Variants in SYN2 observed in about 807,000 individuals in gnomAD.
SYN2 encodes synapsin-2.
SYN2 carries 19 observed loss-of-function variants against 50.9 expected under a neutral mutation model. The observed-to-expected ratio is 0.37, with a 90% CI of 0.26 to 0.55. SYN2 has a LOEUF of 0.55. Among genes scored for constraint, SYN2 ranks in the 20% least tolerant of loss-of-function variants. SYN2 has a pLI of 0.81. For synonymous variants in SYN2, 255 were observed against 224.9 expected, an observed-to-expected ratio of 1.13 and a Z score of -1.20; for missense variants, 587 against 576.4, an observed-to-expected ratio of 1.02 and a Z score of -0.19.
At chr3:12,188,225 G>A (rs759812788) in intron 12 of SYN2, among the ~76,000 whole-genome samples, 1 of 152,176 alleles carries the variant, frequency 6.6e-6, no homozygotes, top group Non-Finnish European at 1.5e-5. Context: ...CATCCTCTTG[G>A]GTTCCCCCAC....
chr3:12,021,539 T>G (rs1288798573), intron 1 of SYN2, among the ~76,000 whole-genome samples: 2 of 152,158 alleles, frequency 1.3e-5, no homozygotes, highest in African/African-American at 4.8e-5. Context: ...ACTTGAGCCC[T>G]GTGACCAGCC....
intron 10 of SYN2, among the ~76,000 whole-genome samples, chr3:12,180,812 T>C (rs1698203998): frequency 6.6e-6 from 1 of 152,180 alleles, no homozygotes; most frequent in Non-Finnish European, 1.5e-5. Flanking sequence ...GTGGGTGTCT[T>C]ACATGTATAT....
chr3:12,013,326 C>T (rs1559385632), intron 1 of SYN2, among the ~76,000 whole-genome samples: 1 of 152,114 alleles, frequency 6.6e-6, no homozygotes, highest in Admixed American at 6.5e-5. Flanking sequence ...CTTGTTCTTT[C>T]CCTTTGTCTA....
intron 5 of SYN2, chr3:12,157,450 C>A: frequency 1.9e-6 from 3 of 1,614,192 alleles, no homozygotes; most frequent in Non-Finnish European, 2.5e-6. Flanking sequence ...CTGGCCGGAA[C>A]TACCTTCTCA....
chr3:12,163,931 G>T (rs1443188175), intron 7 of SYN2, among the ~76,000 whole-genome samples: 1 of 152,054 alleles, frequency 6.6e-6, no homozygotes, highest in Non-Finnish European at 1.5e-5. Context: ...ACAAAAATTA[G>T]CTGGATGTGG....
At chr3:12,093,718 C>G (rs1695874768) in intron 1 of SYN2, among the ~76,000 whole-genome samples, 1 of 152,158 alleles carries the variant, frequency 6.6e-6, no homozygotes, top group Admixed American at 6.5e-5. Context: ...CGTCTTTTTT[C>G]TAGGTGTCCT....
intron 1 of SYN2, among the ~76,000 whole-genome samples, chr3:12,072,402 C>T (rs891304682): frequency 3.6e-4 from 54 of 151,996 alleles, no homozygotes; most frequent in African/African-American, 1.2e-3. Context: ...TTATCTAGTC[C>T]GAAGTCACAA....
At chr3:12,149,540 C>G (rs1697229031) in intron 4 of SYN2, among the ~76,000 whole-genome samples, 1 of 152,174 alleles carries the variant, frequency 6.6e-6, no homozygotes, top group African/African-American at 2.4e-5. Flanking sequence ...GCAGTGCAGC[C>G]CTGACTCCAG....
At chr3:12,158,567 C>T (rs1697530160) in intron 5 of SYN2, 1 of 1,329,054 alleles carries the variant, frequency 7.5e-7, no homozygotes, top group African/African-American at 1.5e-5. Context: ...CTTCTCCACC[C>T]ATCAGCCTCA....
At chr3:12,050,463 C>T (rs1268347744) in intron 1 of SYN2, among the ~76,000 whole-genome samples, 3 of 150,836 alleles carry the variant, frequency 2.0e-5, no homozygotes, top group Non-Finnish European at 3.0e-5. Context: ...CTTCTGCCTC[C>T]GCCTCCCAAG....
rs559155129 is a variant in SYN2 at position 12,054,389 on chromosome 3, G to GA, written c.377+49462dup. On this transcript the variant is annotated intron_variant, in intron 1 of 12. Transcript: ENST00000621198. The stretch of plus-strand genomic sequence containing the variant: ...CATCTGAATCTGGGAGTTGTAGGAG[G>GA]AGCCAGAGACTTGGGGTGTATAGCC... 6.2e-4 allele frequency among the ~76,000 whole-genome samples: 95 copies of GA among 152,280 alleles called. 3 individuals carry two copies. In the South Asian group the frequency reaches 0.019, roughly 31 times the overall value.
intron 10 of SYN2, among the ~76,000 whole-genome samples, chr3:12,170,109 C>T (rs1157917184): frequency 6.6e-6 from 1 of 152,184 alleles, no homozygotes; most frequent in Non-Finnish European, 1.5e-5. Context: ...GCCTTCTCAG[C>T]AATCTGCAAT....
intron 11 of SYN2, among the ~76,000 whole-genome samples, chr3:12,186,770 A>C (rs1698349213): frequency 6.6e-6 from 1 of 152,214 alleles, no homozygotes; most frequent in Non-Finnish European, 1.5e-5. Flanking sequence ...AGGTGATCAT[A>C]AGGTACGGAA....
chr3:12,067,825 C>T (rs1203203331), intron 1 of SYN2, among the ~76,000 whole-genome samples: 1 of 152,166 alleles, frequency 6.6e-6, no homozygotes, highest in Non-Finnish European at 1.5e-5. Flanking sequence ...CTTTGGAAGG[C>T]TGAGATGATA....
chr3:12,115,301 G>A (rs1305481150), intron 1 of SYN2, among the ~76,000 whole-genome samples: 1 of 152,172 alleles, frequency 6.6e-6, no homozygotes, highest in Non-Finnish European at 1.5e-5. Context: ...GTTTCAGAAA[G>A]CAAGGATATA....
intron 1 of SYN2, among the ~76,000 whole-genome samples, chr3:12,023,583 A>T (rs985511538): frequency 6.6e-6 from 1 of 152,240 alleles, no homozygotes; most frequent in South Asian, 2.1e-4. Flanking sequence ...AGGAGGAATT[A>T]TGAGTTAATC....
At position 12,151,335 on chromosome 3, in the gene SYN2, C is replaced by T; in HGVS notation, c.774+9C>T. On this transcript the variant is annotated intron_variant, in intron 5 of 12. Coordinates refer to ENST00000621198, the MANE Select transcript of SYN2 (RefSeq NM_133625.6). Reference sequence around the variant, plus strand: ...CCAACCACAAAGAGATGGTAAGTGGCTCAGTGGGGACATTAGTCTTTCTGC... The same window carrying T: ...CCAACCACAAAGAGATGGTAAGTGGTTCAGTGGGGACATTAGTCTTTCTGC... 1 of 1,606,020 alleles carries T rather than the reference C, an allele frequency of 6.2e-7. No homozygotes were observed. The highest frequency in any genetic ancestry group is 8.5e-7 in the Non-Finnish European group (1 of 1,173,738).
intron 1 of SYN2, among the ~76,000 whole-genome samples, chr3:12,077,312 A>C (rs756845323): frequency 6.6e-6 from 1 of 151,996 alleles, no homozygotes; most frequent in Admixed American, 6.6e-5. Context: ...TTTTTTTAAA[A>C]AAAAATTATT....
chr3:12,024,960 A>G (rs561163026), intron 1 of SYN2, among the ~76,000 whole-genome samples: 1 of 152,330 alleles, frequency 6.6e-6, no homozygotes, highest in African/African-American at 2.4e-5. Context: ...TGTAACAAAG[A>G]CCTTAGACTG....
Sources: gnomAD v4.1 joint callset for allele counts (sites outside exome capture counted in the v4.1 genomes callset) on GRCh38, gnomAD v4.1.1 for gene constraint, MANE v1.5 for transcripts, NCBI Gene and HGNC (gene_info 2026-07-23, HGNC 2026-07-21) for gene names.